Variants in NXPH1 observed in about 807,000 individuals in gnomAD.
NXPH1 encodes the protein neurexophilin 1.
NXPH1 carries 5 observed loss-of-function variants against 23.7 expected under a neutral mutation model. That is an observed-to-expected ratio of 0.21 (90% CI 0.11 to 0.44). The LOEUF (loss-of-function observed/expected upper bound fraction) is 0.44, where lower values mean the gene tolerates loss of function less well. Among genes scored for constraint, NXPH1 ranks in the 20% least tolerant of loss-of-function variants. The pLI, the probability that NXPH1 is intolerant of heterozygous loss-of-function variation, is 0.99. For synonymous variants in NXPH1, 144 were observed against 122.2 expected (o/e 1.18, Z -1.18); for missense variants, 324 against 321.6 (o/e 1.01, Z -0.06).
intron 2 of NXPH1, among the ~76,000 whole-genome samples, chr7:8,692,982 C>T (rs1821244993): frequency 6.6e-6 from 1 of 152,048 alleles, no homozygotes; most frequent in Non-Finnish European, 1.5e-5. Flanking sequence ...AGTCTTCCTA[C>T]AAGCCCACAG....
chr7:8,718,371 GTTA>G (rs1484919334), intron 2 of NXPH1, among the ~76,000 whole-genome samples: 1 of 152,104 alleles, frequency 6.6e-6, no homozygotes, highest in Non-Finnish European at 1.5e-5. Context: ...CTTGACAAAC[GTTA>G]TTTACCTAGC....
chr7:8,485,905 GA>G (rs1337673559), intron 2 of NXPH1, among the ~76,000 whole-genome samples: 1 of 152,084 alleles, frequency 6.6e-6, no homozygotes, highest in African/African-American at 2.4e-5. Context: ...GCAGCTGCCA[GA>G]ACCATTTGTG....
intron 2 of NXPH1, among the ~76,000 whole-genome samples, chr7:8,688,594 A>C (rs901784587): frequency 1.3e-5 from 2 of 152,180 alleles, no homozygotes; most frequent in Non-Finnish European, 2.9e-5. Context: ...GATGCGATAG[A>C]AAGTAAGTGA....
chr7:8,611,844 C>T lies in NXPH1; in HGVS notation c.55-139164C>T, dbSNP rs1338927636. Among the ~76,000 whole-genome samples the T allele has an allele frequency of 2.0e-5, 3 of 152,002 alleles. No homozygotes were observed. The East Asian group carries it at 5.8e-4, about 29-fold the overall frequency. On this transcript the variant is annotated intron_variant, in intron 2 of 2. Coordinates refer to ENST00000405863, the MANE Select transcript of NXPH1 (RefSeq NM_152745.3). ...AGGGCTCTTTTGTGTGTTCTTGGTA[C>T]TACTAAGTCTAGAGTAACATGGAGA...
intron 2 of NXPH1, among the ~76,000 whole-genome samples, chr7:8,527,897 T>C (rs1817890586): frequency 6.6e-6 from 1 of 152,222 alleles, no homozygotes; most frequent in South Asian, 2.1e-4. Flanking sequence ...ATCAGATAGA[T>C]TTTAATCCAC....
chr7:8,583,027 G>A (rs1169971273), intron 2 of NXPH1, among the ~76,000 whole-genome samples: 2 of 152,042 alleles, frequency 1.3e-5, no homozygotes, highest in Non-Finnish European at 2.9e-5. Flanking sequence ...GCAGGTGGCT[G>A]GCATGTCAGC....
intron 2 of NXPH1, among the ~76,000 whole-genome samples, chr7:8,531,844 G>T (rs879569323): frequency 4.6e-5 from 7 of 152,144 alleles, no homozygotes; most frequent in Non-Finnish European, 1.0e-4. Flanking sequence ...TGTTCCATCT[G>T]GTGTTAAAGC....
At chr7:8,749,617 A>T (rs902952382) in intron 2 of NXPH1, among the ~76,000 whole-genome samples, 2 of 152,152 alleles carry the variant, frequency 1.3e-5, no homozygotes, top group Non-Finnish European at 2.9e-5. Context: ...GTGGAAGGAG[A>T]CTGGAGGGTC....
chr7:8,533,332 T>C (rs547943244), intron 2 of NXPH1, among the ~76,000 whole-genome samples: 39 of 152,176 alleles, frequency 2.6e-4, no homozygotes, highest in Non-Finnish European at 4.4e-4. Flanking sequence ...ACTAGTATAC[T>C]TTATTAGTGA....
intron 2 of NXPH1, among the ~76,000 whole-genome samples, chr7:8,493,401 T>C (rs2128611499): frequency 6.6e-6 from 1 of 152,158 alleles, no homozygotes; most frequent in Middle Eastern, 3.4e-3. Context: ...AAGTAATTGG[T>C]ATATCAGACT....
intron 2 of NXPH1, among the ~76,000 whole-genome samples, chr7:8,715,354 T>C (rs1257521932): frequency 1.3e-5 from 2 of 152,224 alleles, no homozygotes; most frequent in Non-Finnish European, 2.9e-5. Flanking sequence ...TCTTATTCTC[T>C]TCAGTGCCTC....
chr7:8,648,738 T>C (rs1207895661), intron 2 of NXPH1, among the ~76,000 whole-genome samples: 1 of 152,222 alleles, frequency 6.6e-6, no homozygotes, highest in Non-Finnish European at 1.5e-5. Flanking sequence ...AAACCAAATG[T>C]GTTTTCTTGA....
intron 2 of NXPH1, among the ~76,000 whole-genome samples, chr7:8,623,943 G>A (rs180926523): frequency 6.6e-6 from 1 of 152,162 alleles, no homozygotes; most frequent in Non-Finnish European, 1.5e-5. Context: ...GTGACATAAT[G>A]TTAAAAAATT....
chr7:8,577,100 A>G (rs1012072000), intron 2 of NXPH1, among the ~76,000 whole-genome samples: 7 of 152,188 alleles, frequency 4.6e-5, no homozygotes, highest in African/African-American at 1.7e-4. Context: ...TTAGTCAGGA[A>G]TTCTAAAAGC....
At chr7:8,517,342 G>C (rs1584206023) in intron 2 of NXPH1, among the ~76,000 whole-genome samples, 1 of 152,226 alleles carries the variant, frequency 6.6e-6, no homozygotes, top group East Asian at 1.9e-4. Context: ...AGGAGAAGAG[G>C]ATTGTAGGCA....
intron 2 of NXPH1, among the ~76,000 whole-genome samples, chr7:8,571,640 A>T (rs2128622215): frequency 6.6e-6 from 1 of 152,124 alleles, no homozygotes; most frequent in Admixed American, 6.5e-5. Flanking sequence ...CAGAACAAGG[A>T]CAAATTAGAA....
intron 2 of NXPH1, among the ~76,000 whole-genome samples, chr7:8,513,141 G>C (rs1218270454): frequency 1.3e-5 from 2 of 152,100 alleles, no homozygotes; most frequent in Non-Finnish European, 2.9e-5. Context: ...CCCAAGTAAT[G>C]AGAGAACGTT....
At chr7:8,439,718 T>G (rs1307485502) in intron 2 of NXPH1, among the ~76,000 whole-genome samples, 16 of 152,156 alleles carry the variant, frequency 1.1e-4, no homozygotes. Context: ...TTAATAGAGT[T>G]TGGAGAGTAA....
In NXPH1 at chr7:8,435,653, T is replaced by C; in HGVS notation, c.-61T>C. Reference sequence around the variant, plus strand: ...GTAAAGTGGATGTCAGGTGGATCTATGTTTCTGAAGGAACAAAGACTCAAA... The same window carrying C: ...GTAAAGTGGATGTCAGGTGGATCTACGTTTCTGAAGGAACAAAGACTCAAA... On this transcript the variant is annotated 5_prime_UTR_variant, in exon 2 of 3. The change abolishes an upstream ATG in the 5' untranslated region. Transcript: ENST00000405863. The surrounding 1 kb of genome is among the most constrained non-coding windows in gnomAD (Gnocchi z 5.9). 1 of 1,494,722 alleles carries C rather than the reference T, an allele frequency of 6.7e-7. No individual in the cohort carries two copies. Among genetic ancestry groups the C allele is most frequent in the Non-Finnish European group, 9.3e-7 (1 of 1,071,296 alleles). 92.6% of individuals were successfully genotyped at this position (1,494,722 alleles called of 1,614,324 possible).
Sources: allele counts gnomAD v4.1 joint callset (sites outside exome capture counted in the v4.1 genomes callset), GRCh38; gene constraint gnomAD v4.1.1; non-coding constraint Gnocchi (gnomAD v3.1); transcripts MANE v1.5; gene names NCBI Gene and HGNC (gene_info 2026-07-23, HGNC 2026-07-21).